Variants in HMGB1 observed in about 807,000 individuals in gnomAD.
The protein encoded by HMGB1 is high mobility group protein B1.
For missense variants in HMGB1, 79 were observed against 253.5 expected (o/e 0.31, Z 4.67); for synonymous variants, 81 against 84.0 (o/e 0.96, Z 0.19).
chr13:30,469,289 G>A (rs552713153), upstream of HMGB1, among the ~76,000 whole-genome samples: 5 of 152,292 alleles, frequency 3.3e-5, no homozygotes, highest in African/African-American at 4.8e-5. Context: ...ATTACAGATC[G>A]TCATTAATGT....
intron 1 of HMGB1, among the ~76,000 whole-genome samples, chr13:30,533,049 G>A (rs1383595238): frequency 6.6e-6 from 1 of 152,162 alleles, no homozygotes; most frequent in East Asian, 1.9e-4. Flanking sequence ...GTAAAGTAAG[G>A]GGCTGAACTA....
At chr13:30,513,124 C>CCG in intron 1 of HMGB1, among the ~76,000 whole-genome samples, 1 of 152,238 alleles carries the variant, frequency 6.6e-6, no homozygotes, top group South Asian at 2.1e-4. Context: ...GATCACACCA[C>CCG]TGCACTGCAC....
At chr13:30,501,541 ATATTATTTTATATATTTAT>A (rs1230181579) in intron 1 of HMGB1, among the ~76,000 whole-genome samples, 2 of 148,506 alleles carry the variant, frequency 1.3e-5, no homozygotes, top group East Asian at 4.0e-4. Flanking sequence ...TAAAATCAAT[ATATTATTTTATATATTTAT>A]AAATGCATTA....
In HMGB1 at chr13:30,495,475, C is replaced by A. The variant is rs1353647843; in HGVS notation, c.-14-31781G>T. Reference sequence around the variant, plus strand: ...CACTGAATATTTCCCTTTTCTTTTTCTTTTCTTTTTTTTTTTTTTTGGAGA... The same window carrying A: ...CACTGAATATTTCCCTTTTCTTTTTATTTTCTTTTTTTTTTTTTTTGGAGA... On this transcript the variant is annotated intron_variant, in intron 1 of 4. Transcript: ENST00000405805. Among the ~76,000 whole-genome samples, 25 of 141,514 alleles carry A rather than the reference C, an allele frequency of 1.8e-4. No homozygotes were observed. In the Admixed American group the frequency reaches 1.9e-3, roughly 11 times the overall value. The allele number at this position is 141,514 out of a possible 152,430, so 92.8% of individuals were successfully genotyped here.
chr13:30,576,307 C>T (rs535937106), intron 1 of HMGB1, among the ~76,000 whole-genome samples: 8 of 152,098 alleles, frequency 5.3e-5, no homozygotes, highest in South Asian at 2.1e-4. Flanking sequence ...GAGACAAATC[C>T]CAAGGCTTTG....
chr13:30,534,707 A>G (rs1029950047), intron 1 of HMGB1, among the ~76,000 whole-genome samples: 1 of 147,892 alleles, frequency 6.8e-6, no homozygotes, highest in South Asian at 2.1e-4. Flanking sequence ...CCTCCCGAGC[A>G]GCTGGGATTA....
At chr13:30,600,453 C>G (rs1256936511) in intron 1 of HMGB1, among the ~76,000 whole-genome samples, 1 of 151,976 alleles carries the variant, frequency 6.6e-6, no homozygotes, top group East Asian at 1.9e-4. Context: ...ATAAAGCAAC[C>G]CGAGAACAGT....
chr13:30,506,622 G>C (rs1887875420), intron 1 of HMGB1, among the ~76,000 whole-genome samples: 1 of 152,086 alleles, frequency 6.6e-6, no homozygotes, highest in Non-Finnish European at 1.5e-5. Context: ...AGCACACCTA[G>C]CTAGGTGCCA....
At chr13:30,553,865 G>C in intron 1 of HMGB1, 1 of 1,329,430 alleles carries the variant, frequency 7.5e-7, no homozygotes, top group South Asian at 1.2e-5. Flanking sequence ...AGAATACTGA[G>C]AATGATTATA....
intron 1 of HMGB1, among the ~76,000 whole-genome samples, chr13:30,564,011 G>A (rs60689124): frequency 6.6e-6 from 1 of 152,036 alleles, no homozygotes; most frequent in Non-Finnish European, 1.5e-5. Context: ...TAACTTCGTG[G>A]GCATGGTGGC....
chr13:30,610,077 T>C (rs74043516), intron 1 of HMGB1, among the ~76,000 whole-genome samples: 2,866 of 152,310 alleles, frequency 0.019, 94 homozygotes, highest in African/African-American at 0.065. Context: ...ATACTTACTT[T>C]TCCTTATGAT....
intron 1 of HMGB1, among the ~76,000 whole-genome samples, chr13:30,479,614 C>A (rs1393310298): frequency 1.3e-5 from 2 of 152,166 alleles, no homozygotes; most frequent in Non-Finnish European, 2.9e-5. Context: ...GCTTTGGAAC[C>A]GGACACCTCT....
chr13:30,464,327 T>A (rs1253319167), intron 1 of HMGB1: 4 of 985,248 alleles, frequency 4.1e-6, no homozygotes. Context: ...CTGTTCTGAC[T>A]AAACACGTCC....
intron 1 of HMGB1, among the ~76,000 whole-genome samples, chr13:30,576,202 C>T (rs1870646563): frequency 6.6e-6 from 1 of 152,150 alleles, no homozygotes; most frequent in African/African-American, 2.4e-5. Flanking sequence ...TCAAACCCCA[C>T]AATGGTGGAT....
At chr13:30,614,900 C>T (rs1950546191) in intron 1 of HMGB1, among the ~76,000 whole-genome samples, 2 of 146,178 alleles carry the variant, frequency 1.4e-5, no homozygotes, top group African/African-American at 5.1e-5. Context: ...TTAGTAGAGA[C>T]GGGGTTTCAC....
rs1593258930 is a variant in HMGB1, at chr13:30,465,836, T to C, written c.-55A>G. 1 of 985,630 alleles carries C rather than the reference T, an allele frequency of 1.0e-6. No individual in the cohort carries two copies. Among genetic ancestry groups the C allele is most frequent in the African/African-American group, 1.7e-5 (1 of 57,338 alleles). 61.1% of individuals were successfully genotyped at this position (985,630 alleles called of 1,614,324 possible). On this transcript the variant is annotated 5_prime_UTR_variant, in exon 1 of 5. Coordinates refer to ENST00000341423, the MANE Select transcript of HMGB1 (RefSeq NM_002128.7). ...GAGTCGCCCAGTGCCCGTCCGGCTC[T>C]CACTTGCCCCGGTGCTGTCTCTATG...
intron 1 of HMGB1, among the ~76,000 whole-genome samples, chr13:30,497,373 C>A (rs1192340098): frequency 6.6e-6 from 1 of 151,982 alleles, no homozygotes; most frequent in African/African-American, 2.4e-5. Context: ...ATTACAGGTG[C>A]CTGCCACTAC....
intron 1 of HMGB1, among the ~76,000 whole-genome samples, chr13:30,485,035 T>TG (rs386378691): frequency 1.5e-4 from 3 of 20,350 alleles, no homozygotes; most frequent in Non-Finnish European, 9.5e-4. Flanking sequence ...TTTCTTTTTC[T>TG]TTTTTTTTTT....
chr13:30,551,631 C>A (rs1204173574), intron 1 of HMGB1, among the ~76,000 whole-genome samples: 1 of 152,196 alleles, frequency 6.6e-6, no homozygotes, highest in Non-Finnish European at 1.5e-5. Flanking sequence ...ACAGATCACT[C>A]CCTTTTCTTG....
Sources: allele counts gnomAD v4.1 joint callset (sites outside exome capture counted in the v4.1 genomes callset), GRCh38; gene constraint gnomAD v4.1.1; transcripts MANE v1.5; gene names NCBI Gene and HGNC (gene_info 2026-07-23, HGNC 2026-07-21).